The following DRC2 variants were observed in gnomAD, a reference collection of about 807,000 sequenced individuals.
The protein encoded by DRC2 is dynein regulatory complex subunit 2.
chr12:48,905,170 G>A, the DRC2 span: 2 of 1,428,636 alleles, frequency 1.4e-6, no homozygotes, highest in African/African-American at 1.4e-5. Context: ...TTAATAGAAT[G>A]AGCCTAGTGA....
At chr12:48,918,882 C>T in the DRC2 span, 5 of 1,613,250 alleles carry the variant, frequency 3.1e-6, no homozygotes, top group East Asian at 4.5e-5. Flanking sequence ...CCCTCAAGGC[C>T]CTGAGAAAGA....
chr12:48,904,350 A>G, the DRC2 span: 1 of 1,613,442 alleles, frequency 6.2e-7, no homozygotes, highest in Admixed American at 1.7e-5. Context: ...CCTAAGAAAG[A>G]AAAAATGGCC....
chr12:48,906,403 A>G, the DRC2 span, among the ~76,000 whole-genome samples: 1 of 150,842 alleles, frequency 6.6e-6, no homozygotes, highest in East Asian at 2.0e-4. Flanking sequence ...TCCCGAGTTC[A>G]GCCTCCTGAG....
chr12:48,918,942 A>G, the DRC2 span: 1 of 1,521,656 alleles, frequency 6.6e-7, no homozygotes, highest in Non-Finnish European at 9.1e-7. Context: ...AAAGTCAAGG[A>G]ACCTGCCTCC....
the DRC2 span, chr12:48,904,220 G>A: frequency 7.1e-7 from 1 of 1,408,320 alleles, no homozygotes. Context: ...TCCCACAACC[G>A]CCCACAACCA....
chr12:48,911,091 A>G, the DRC2 span, among the ~76,000 whole-genome samples: 2 of 152,138 alleles, frequency 1.3e-5, no homozygotes, highest in African/African-American at 4.8e-5. Flanking sequence ...AGTTTAACAC[A>G]TTACTTTCTC....
At chr12:48,904,203 T>C in the DRC2 span, 1 of 1,217,306 alleles carries the variant, frequency 8.2e-7, no homozygotes, top group Non-Finnish European at 1.1e-6. Context: ...AGGGCTGAGA[T>C]CTCCGGTCCC....
chr12:48,906,239 C>T, the DRC2 span, among the ~76,000 whole-genome samples: 1 of 152,068 alleles, frequency 6.6e-6, no homozygotes, highest in Non-Finnish European at 1.5e-5. Flanking sequence ...ATTAAGAGTC[C>T]TCAAATTTGC....
the DRC2 span, among the ~76,000 whole-genome samples, chr12:48,911,314 C>A: frequency 3.3e-5 from 5 of 152,154 alleles, no homozygotes; most frequent in Middle Eastern, 3.4e-3. Context: ...AATCCCAACA[C>A]TTTGGGAGGC....
At chr12:48,914,725 T>C in the DRC2 span, 3 of 721,076 alleles carry the variant, frequency 4.2e-6, no homozygotes, top group Non-Finnish European at 6.5e-6. Context: ...TGGTTCCTTT[T>C]AAACAAACTC....
chr12:48,920,441 T>TTTTAA, the DRC2 span, among the ~76,000 whole-genome samples: 34 of 67,814 alleles, frequency 5.0e-4, no homozygotes, highest in Non-Finnish European at 7.5e-4. Flanking sequence ...AACTCCATCT[T>TTTTAA]AAAAAAAAAA....
the DRC2 span, among the ~76,000 whole-genome samples, chr12:48,914,010 A>C: frequency 6.7e-6 from 1 of 149,576 alleles, no homozygotes; most frequent in African/African-American, 2.5e-5. Flanking sequence ...GCTCACTGCA[A>C]CTTTGAACTC....
At chr12:48,915,313 C>G in the DRC2 span, among the ~76,000 whole-genome samples, 1 of 148,506 alleles carries the variant, frequency 6.7e-6, no homozygotes, top group Non-Finnish European at 1.5e-5. Flanking sequence ...GGTGATGACT[C>G]TTAATGAGCA....
chr12:48,911,187 A>T, the DRC2 span, among the ~76,000 whole-genome samples: 2 of 152,142 alleles, frequency 1.3e-5, no homozygotes, highest in East Asian at 3.9e-4. Context: ...TCTTTTTGTG[A>T]TGTTAGCAGC....
the DRC2 span, chr12:48,904,410 T>G: frequency 6.2e-7 from 1 of 1,614,084 alleles, no homozygotes; most frequent in Non-Finnish European, 8.5e-7. Flanking sequence ...CAGCAGAAGT[T>G]GCTGGCAGAG....
the DRC2 span, chr12:48,917,083 G>A: frequency 1.2e-6 from 2 of 1,614,032 alleles, no homozygotes; most frequent in Non-Finnish European, 1.7e-6. Context: ...GAGTTCCAGA[G>A]CATGTGGAAT....
chr12:48,921,222 A>C, the DRC2 span: 1 of 1,614,186 alleles, frequency 6.2e-7, no homozygotes, highest in Non-Finnish European at 8.5e-7. Context: ...CAACAAAGTG[A>C]AACTGGAGCA....
chr12:48,905,704 C>A, the DRC2 span, among the ~76,000 whole-genome samples: 5 of 152,218 alleles, frequency 3.3e-5, no homozygotes, highest in Non-Finnish European at 5.9e-5. Context: ...ATTTTCTGTA[C>A]CCCTTCTTTT....
chr12:48,904,867 G>T, the DRC2 span: 5 of 1,251,288 alleles, frequency 4.0e-6, no homozygotes, highest in African/African-American at 7.5e-5. Context: ...TAAGGTGTCA[G>T]CTGATAAATT....
Sources: gnomAD v4.1 joint callset for allele counts (sites outside exome capture counted in the v4.1 genomes callset) on GRCh38, gnomAD v4.1.1 for gene constraint, MANE v1.5 for transcripts, NCBI Gene and HGNC (gene_info 2026-07-23, HGNC 2026-07-21) for gene names.